MRAP2: variants seen among roughly 807,000 people sequenced by gnomAD.
MRAP2 encodes melanocortin 2 receptor accessory protein 2.
MRAP2 carries 20 observed loss-of-function variants against 17.4 expected under a neutral mutation model. The ratio of observed to expected loss-of-function variants is 1.15; its 90% CI spans 0.81 to 1.67. The LOEUF (loss-of-function observed/expected upper bound fraction) is 1.67. MRAP2 is among the 40% of genes most tolerant of loss of function. MRAP2 has a pLI of 0.00. For missense variants in MRAP2, 238 were observed against 240.0 expected (o/e 0.99, Z 0.05); for synonymous variants, 96 against 88.4 (o/e 1.09, Z -0.48).
chr6:84,126,663 C>G, the MRAP2 span, among the ~76,000 whole-genome samples: 1 of 152,110 alleles, frequency 6.6e-6, no homozygotes, highest in Admixed American at 6.6e-5. Flanking sequence ...TTCTCTATAT[C>G]CAGAAAGTAA....
chr6:84,046,775 C>T (rs1166558685), intron 1 of MRAP2, among the ~76,000 whole-genome samples: 1 of 100,296 alleles, frequency 1.0e-5, no homozygotes, highest in Admixed American at 1.3e-4. Context: ...AGCGAAACTC[C>T]ATCTCAAAAA....
At chr6:84,126,647 C>G in the MRAP2 span, 7 of 558,142 alleles carry the variant, frequency 1.3e-5, no homozygotes, top group Middle Eastern at 4.9e-4. Context: ...TAATTAATAG[C>G]TTTCATTCTC....
At chr6:84,048,730 C>T (rs375614109) in intron 1 of MRAP2, among the ~76,000 whole-genome samples, 11 of 152,326 alleles carry the variant, frequency 7.2e-5, no homozygotes, top group East Asian at 5.8e-4. Context: ...CTCCCTTGTC[C>T]TGATTCTACA....
downstream of MRAP2, among the ~76,000 whole-genome samples, chr6:84,091,632 T>G (rs770711129): frequency 1.3e-5 from 2 of 152,192 alleles, no homozygotes; most frequent in Non-Finnish European, 2.9e-5. Context: ...AGTGGTATCT[T>G]ATTTAGAAGT....
chr6:84,040,467 C>T (rs1014380133), intron 1 of MRAP2, among the ~76,000 whole-genome samples: 1 of 152,118 alleles, frequency 6.6e-6, no homozygotes, highest in Non-Finnish European at 1.5e-5. Context: ...GAGGTTGGAA[C>T]AGTTTGGAAG....
At chr6:84,131,846 A>G in the MRAP2 span, among the ~76,000 whole-genome samples, 1 of 152,066 alleles carries the variant, frequency 6.6e-6, no homozygotes, top group Non-Finnish European at 1.5e-5. Flanking sequence ...TTTACATTTA[A>G]GGTTAATATT....
chr6:84,033,897 G>A lies in MRAP2; in HGVS notation c.-8+14G>A. 1.0e-6 allele frequency: 1 copy of A among 986,178 alleles called. No homozygotes were observed. Among genetic ancestry groups the A allele is most frequent in the Non-Finnish European group, 1.2e-6 (1 of 830,224 alleles). 61.1% of individuals were successfully genotyped at this position (986,178 alleles called of 1,614,324 possible). A position where few individuals can be genotyped will look rare whatever the true frequency, so the allele number is the denominator to read the frequency against. ...GCTAGCCAGCCGGTAACCACGGGCG[G>A]GACAGGGCGCCCAGGGCGGAGCAAA... On this transcript the variant is annotated intron_variant, in intron 1 of 3. Coordinates refer to ENST00000257776, the MANE Select transcript of MRAP2 (RefSeq NM_138409.4).
the MRAP2 span, among the ~76,000 whole-genome samples, chr6:84,117,651 C>CTGTGTGTGTGTG: frequency 4.8e-5 from 5 of 105,128 alleles, no homozygotes; most frequent in South Asian, 8.1e-4. Flanking sequence ...GGGTGTGTGT[C>CTGTGTGTGTGTG]TGTGTGTGTG....
the MRAP2 span, among the ~76,000 whole-genome samples, chr6:84,132,186 T>G: frequency 6.6e-6 from 1 of 152,254 alleles, no homozygotes; most frequent in Non-Finnish European, 1.5e-5. Context: ...CTCTTCTGGC[T>G]TGTAGAGTTT....
At chr6:84,103,979 T>G in the MRAP2 span, among the ~76,000 whole-genome samples, 47 of 152,346 alleles carry the variant, frequency 3.1e-4, no homozygotes, top group African/African-American at 1.0e-3. Context: ...AATTTACAAC[T>G]CATTTTATTC....
At chr6:84,095,625 G>A (rs1204382502), downstream of MRAP2, among the ~76,000 whole-genome samples, 2 of 152,170 alleles carry the variant, frequency 1.3e-5, no homozygotes, top group African/African-American at 2.4e-5. Context: ...TACTGTGTAT[G>A]TGAGCTATTT....
At chr6:84,058,858 G>T (rs1007001572) in intron 2 of MRAP2, among the ~76,000 whole-genome samples, 4 of 152,176 alleles carry the variant, frequency 2.6e-5, no homozygotes, top group Admixed American at 1.3e-4. Context: ...ACTGAGATTT[G>T]ACCATTGGAT....
chr6:84,142,428 A>G, the MRAP2 span, among the ~76,000 whole-genome samples: 1 of 152,172 alleles, frequency 6.6e-6, no homozygotes, highest in Non-Finnish European at 1.5e-5. Flanking sequence ...ATATACGTAT[A>G]CATTTTTTTT....
chr6:84,077,072 A>C (rs1287394451), intron 3 of MRAP2, among the ~76,000 whole-genome samples: 2 of 152,210 alleles, frequency 1.3e-5, no homozygotes, highest in Non-Finnish European at 2.9e-5. Context: ...ATTAGTGCAA[A>C]GCTCTTTTAG....
chr6:84,061,370 G>T (rs1395186912), intron 2 of MRAP2, among the ~76,000 whole-genome samples: 1 of 152,156 alleles, frequency 6.6e-6, no homozygotes, highest in African/African-American at 2.4e-5. Flanking sequence ...CAACTCTGTT[G>T]TGTCCTAGAT....
At chr6:84,065,443 A>G (rs750462564) in intron 3 of MRAP2, among the ~76,000 whole-genome samples, 10 of 152,224 alleles carry the variant, frequency 6.6e-5, no homozygotes, top group East Asian at 1.9e-4. Flanking sequence ...ATATTCGCAC[A>G]TGCTTCACTT....
intron 3 of MRAP2, among the ~76,000 whole-genome samples, chr6:84,074,473 A>G (rs2099497088): frequency 6.6e-6 from 1 of 152,168 alleles, no homozygotes; most frequent in Non-Finnish European, 1.5e-5. Flanking sequence ...TGCTGGATCT[A>G]CCACTGAATT....
chr6:84,143,620 CAGA>C, the MRAP2 span, among the ~76,000 whole-genome samples: 1 of 151,732 alleles, frequency 6.6e-6, no homozygotes, highest in Admixed American at 6.6e-5. Context: ...TAGAAGCTTG[CAGA>C]AGGAGAGAGA....
the MRAP2 span, among the ~76,000 whole-genome samples, chr6:84,108,955 G>A: frequency 1.3e-5 from 2 of 152,036 alleles, no homozygotes; most frequent in African/African-American, 4.8e-5. Context: ...GCTTGTTTTT[G>A]TCGTTTGTTG....
Sources: allele counts gnomAD v4.1 joint callset (sites outside exome capture counted in the v4.1 genomes callset), GRCh38; gene constraint gnomAD v4.1.1; transcripts MANE v1.5; gene names NCBI Gene and HGNC (gene_info 2026-07-23, HGNC 2026-07-21).